Variants in PTCH2 observed in about 807,000 individuals in gnomAD.
The protein encoded by PTCH2 is protein patched homolog 2.
Under a neutral mutation model 117.9 loss-of-function variants are expected in PTCH2, and 96 were observed. The ratio of observed to expected loss-of-function variants is 0.81; its 90% CI spans 0.69 to 0.96. PTCH2 has a LOEUF of 0.96. Among genes scored for constraint, PTCH2 ranks in the 50% least tolerant of loss-of-function variants. The pLI, the probability that PTCH2 is intolerant of heterozygous loss-of-function variation, is 0.00. For synonymous variants in PTCH2, 615 were observed against 660.9 expected (o/e 0.93, Z 1.06); for missense variants, 1,379 against 1,562.5 (o/e 0.88, Z 1.98).
In PTCH2 at chr1:44,832,295, C is replaced by A. The variant is rs746185871; in HGVS notation, c.312G>T (p.Leu104=). ...SQELHYTKEK[L]GEEAAYTSQM... is the part of the protein sequence containing the mutation. ...GAGAGGTGTATGCAGCCTCCTCCCC[C>A]AGCTTCTCCTTGGTGTAATGCAGCT... The change falls in exon 3 of 22, where the codon CTG becomes CTT. Residue 104 remains leucine, a synonymous_variant. Coordinates refer to ENST00000372192, the MANE Select transcript of PTCH2 (RefSeq NM_003738.5). The A allele has an allele frequency of 4.3e-5, 70 of 1,614,238 alleles. No individual in the cohort carries two copies. The highest frequency in any genetic ancestry group is 5.8e-5 in the Non-Finnish European group (68 of 1,180,048).
chr1:44,822,410 C>T lies in PTCH2; in HGVS notation c.*5G>A, dbSNP rs375286914. On this transcript the variant is annotated 3_prime_UTR_variant, in exon 22 of 22. Transcript: ENST00000372192. ...ACACATGGTCTCTGTGCTTCAGCTGCTCTTTCACCCAGTGGCTGGACCTGG... is the reference window on the plus strand; with the variant it reads ...ACACATGGTCTCTGTGCTTCAGCTGTTCTTTCACCCAGTGGCTGGACCTGG... 1.2e-5 allele frequency: 20 copies of T among 1,613,510 alleles called. No individual in the cohort carries two copies. The highest frequency in any genetic ancestry group is 1.7e-5 in the Non-Finnish European group (20 of 1,180,032).
chr1:44,827,378 C>T, intron 15 of PTCH2, 24 bp downstream of exon 15: 3 of 1,613,754 alleles, frequency 1.9e-6, no homozygotes, highest in Non-Finnish European at 2.5e-6. Context: ...AGCACCCCTC[C>T]CTGCCCGTCT....
chr1:44,823,340 C>T lies in PTCH2; in HGVS notation c.3160G>A (p.Ala1054Thr), dbSNP rs1203590799. ...QGSRNLRAAH[A>T]LEHTFAPVTD... ...ACGGGGGCAAATGTGTGCTCAAGGG[C>T]ATGGGCGGCCCGCAGGTTCCGGCTG... is the stretch of plus-strand genomic sequence containing the variant. The change falls in exon 20 of 22, where the codon GCC becomes ACC. Residue 1054 changes from alanine (A) to threonine (T), a missense_variant. Ala to Thr is a moderately conservative substitution (Grantham distance 58, BLOSUM62 0). Transcript: ENST00000372192. The surrounding 1 kb of genome is among the most constrained non-coding windows in gnomAD (Gnocchi z 5.1). 1 of 1,614,092 alleles carries T rather than the reference C, an allele frequency of 6.2e-7. No individual in the cohort carries two copies. The highest frequency in any genetic ancestry group is 1.3e-5 in the African/African-American group (1 of 74,932).
At position 44,829,256 on chromosome 1, in the gene PTCH2, G is replaced by C. The variant is rs56016752; in HGVS notation, c.1272C>G (p.Ser424=). 1.2e-6 allele frequency: 2 copies of C among 1,613,528 alleles called. No homozygotes were observed. The highest frequency in any genetic ancestry group is 1.7e-6 in the Non-Finnish European group (2 of 1,180,024). ...LRWDCAQSQG[S]VGLAGVLLVA... ...CCAGCAGTACCCCGGCAAGGCCCAC[G>C]GAACCCTGGGACTGGGCGCAGTCCC... The change falls in exon 10 of 22, where the codon TCC becomes TCG. Residue 424 remains serine, a synonymous_variant. Transcript: ENST00000372192.
At chr1:44,837,994 A>G (rs1231250525) in intron 2 of PTCH2, among the ~76,000 whole-genome samples, 1 of 151,584 alleles carries the variant, frequency 6.6e-6, no homozygotes, top group Admixed American at 6.6e-5. Context: ...AGGCAGGAGA[A>G]TGGCGTGAAC....
At chr1:44,825,844 C>CTT (rs35549385) in intron 19 of PTCH2, among the ~76,000 whole-genome samples, 14,790 of 118,330 alleles carry the variant, frequency 0.12, 1,505 homozygotes, top group African/African-American at 0.26. Flanking sequence ...AGCCCAAATT[C>CTT]TTTTTTTTTT....
chr1:44,820,073 G>C (rs753656371), downstream of PTCH2: 1 of 236,492 alleles, frequency 4.2e-6, no homozygotes, highest in African/African-American at 2.3e-5. Flanking sequence ...TGCCTGCGTG[G>C]TACGCACTCC....
In PTCH2 at chr1:44,826,936, G is replaced by A. The variant is rs149815763; in HGVS notation, c.2661C>T (p.His887=). The A allele has an allele frequency of 2.5e-4, 397 of 1,613,906 alleles. No homozygotes were observed. The highest frequency in any genetic ancestry group is 3.0e-4 in the Non-Finnish European group (351 of 1,180,032). Residue 887 remains histidine (H), a synonymous_variant, in exon 17 of 22, where the codon CAC becomes CAT. Coordinates refer to ENST00000372192, the MANE Select transcript of PTCH2 (RefSeq NM_003738.5). This position sits in a 1 kb window ranked among gnomAD's most constrained non-coding sequence, Gnocchi z 5.1. ...TCTCCCCCGTGGTGTCGTATTTGTC[G>A]TGCAGCCATTCAGGAGGTGGGGGGT... ...NFYPPPPEWL[H]DKYDTTGENL...
At chr1:44,830,163 C>CT in intron 6 of PTCH2, 133 bp from the exon 7 acceptor site, 3 of 1,218,690 alleles carry the variant, frequency 2.5e-6, no homozygotes, top group Non-Finnish European at 3.4e-6. Flanking sequence ...TATTCTGAGC[C>CT]TCTTGACTGC....
rs371160711 is a variant in PTCH2, at chr1:44,827,013, C to T, written c.2584G>A (p.Val862Met). 4.5e-5 allele frequency: 72 copies of T among 1,613,968 alleles called. No individual in the cohort carries two copies. The highest frequency in any genetic ancestry group is 1.6e-4 in the Middle Eastern group (1 of 6,084). The change falls in exon 17 of 22, where the codon GTG (valine) becomes ATG (methionine). Residue 862 changes from valine to methionine, a missense_variant. Coordinates refer to ENST00000372192, the MANE Select transcript of PTCH2 (RefSeq NM_003738.5). ...CCCAGGGGGTCACTGCTCACCCACA[C>T]GGTCAGCCCCATGTAGAAGAGCTCG... ...PPELFYMGLT[V>M]WVSSDPLGLA...
At chr1:44,841,211 AC>A (rs1413351233) in intron 2 of PTCH2, among the ~76,000 whole-genome samples, 1 of 148,772 alleles carries the variant, frequency 6.7e-6, no homozygotes, top group Non-Finnish European at 1.5e-5. Context: ...CCAAAAAAAA[AC>A]CCCAAGAAAA....
chr1:44,839,361 C>CAAAAAAAAAAAA (rs57053705), intron 2 of PTCH2, among the ~76,000 whole-genome samples: 2 of 75,628 alleles, frequency 2.6e-5, no homozygotes, highest in Admixed American at 1.4e-4. Context: ...GACTTACTCT[C>CAAAAAAAAAAAA]AAAAAAAAAA....
intron 2 of PTCH2, among the ~76,000 whole-genome samples, chr1:44,834,307 G>T (rs1653589705): frequency 6.6e-6 from 1 of 152,056 alleles, no homozygotes; most frequent in African/African-American, 2.4e-5. Flanking sequence ...ATTAGTAGTA[G>T]AGATGGGGTT....
At chr1:44,828,263 C>T (rs1653255241) in intron 13 of PTCH2, 33 bp downstream of exon 13, 1 of 1,613,210 alleles carries the variant, frequency 6.2e-7, no homozygotes, top group East Asian at 2.2e-5. Context: ...TGGCGTGGGT[C>T]ACGGGAGGAA....
chr1:44,835,681 A>G (rs894782859), intron 2 of PTCH2, among the ~76,000 whole-genome samples: 14 of 152,274 alleles, frequency 9.2e-5, no homozygotes, highest in Admixed American at 7.8e-4. Context: ...GTGAAATGGG[A>G]GTCATGGTAG....
chr1:44,841,884 G>A lies in PTCH2; in HGVS notation c.228C>T (p.Ala76=), dbSNP rs1471832432. 1 of 1,614,082 alleles carries A rather than the reference G, an allele frequency of 6.2e-7. No individual in the cohort carries two copies. Among genetic ancestry groups the A allele is most frequent in the African/African-American group, 1.3e-5 (1 of 74,928 alleles). ...FGALALGLRM[A]IIETNLEQLW... is the part of the protein sequence containing the mutation. ...GCTGTTCCAAGTTTGTCTCAATAAT[G>A]GCCATGCGGAGACCTAATGCCAGGG... Residue 76 remains alanine, a synonymous_variant, in exon 2 of 22, where the codon GCC becomes GCT. Coordinates refer to ENST00000372192, the MANE Select transcript of PTCH2 (RefSeq NM_003738.5).
Position 44,829,627 on chromosome 1 carries a change from C to T in PTCH2, c.1070G>A (p.Arg357Gln), listed in dbSNP as rs746520151. 9 of 1,614,098 alleles carry T rather than the reference C, an allele frequency of 5.6e-6. No homozygotes were observed. The highest frequency in any genetic ancestry group is 7.6e-6 in the Non-Finnish European group (9 of 1,180,054). ...GTCCATACCGACCTGCACAAAGCGC[C>T]GCTGCCAGGCTTGTAGCACTGTGCT... Reference protein sequence around the residue: ...QASTVLQAWQRRFVQLAQEAL... With the variant: ...QASTVLQAWQQRFVQLAQEAL... Residue 357 changes from arginine to glutamine, a missense_variant, in exon 8 of 22, where the codon CGG becomes CAG. By Grantham distance (43) the Arg-to-Gln change is conservative. Transcript: ENST00000372192.
rs750166200 is a variant in PTCH2, at chr1:44,832,164, G to A, written c.443C>T (p.Ser148Leu). 1 of 1,614,190 alleles carries A rather than the reference G, an allele frequency of 6.2e-7. No homozygotes were observed. The part of the protein sequence containing the change: ...AALTASKVQV[S>L]LYGKSWDLNK... The stretch of plus-strand genomic sequence containing the variant: ...CAGCCAGACTCACTTCCCATAGAGT[G>A]ATACTTGGACTTTACTGGCAGTGAG... Residue 148 changes from serine to leucine, a missense_variant, in exon 3 of 22, where the codon TCA (serine) becomes TTA (leucine). Ser to Leu is a moderately radical substitution (Grantham distance 145). Transcript: ENST00000372192.
Position 44,823,026 on chromosome 1 carries a change from C to T in PTCH2, c.3357+43G>A. The T allele has an allele frequency of 1.3e-6, 2 of 1,587,974 alleles. No individual in the cohort carries two copies. The highest frequency in any genetic ancestry group is 2.3e-5 in the East Asian group (1 of 44,328). ...TTCCCTTGCCTCTCCCTACCCCGTC[C>T]CTTGGGCTGGGAGTAGAGGGATGGT... On this transcript the variant is annotated intron_variant, in intron 21 of 21. Transcript: ENST00000372192. This position sits in a 1 kb window ranked among gnomAD's most constrained non-coding sequence, Gnocchi z 5.1.
Sources: allele counts gnomAD v4.1 joint callset (sites outside exome capture counted in the v4.1 genomes callset), GRCh38; gene constraint gnomAD v4.1.1; non-coding constraint Gnocchi (gnomAD v3.1); transcripts MANE v1.5; gene names NCBI Gene and HGNC (gene_info 2026-07-23, HGNC 2026-07-21).